DPP10: variants seen among roughly 807,000 people sequenced by gnomAD.
The protein encoded by DPP10 is dipeptidyl peptidase like 10, also known as inactive dipeptidyl peptidase 10.
In DPP10, 33 loss-of-function variants were observed where a neutral mutation model predicts 120.9. The observed-to-expected ratio is 0.27, with a 90% CI of 0.21 to 0.37. The LOEUF is 0.37. Ranked by LOEUF, DPP10 falls within the 10% of genes least tolerant of loss-of-function variation. The probability of loss-of-function intolerance (pLI) is 1.00; values close to 1 mark genes in which losing one functional copy is unlikely to be tolerated. For missense variants in DPP10, 816 were observed against 942.8 expected, an observed-to-expected ratio of 0.87 and a Z score of 1.76; for synonymous variants, 337 against 326.1, an observed-to-expected ratio of 1.03 and a Z score of -0.36.
intron 1 of DPP10, among the ~76,000 whole-genome samples, chr2:114,821,417 G>GATT (rs553829688): frequency 6.6e-6 from 1 of 151,976 alleles, no homozygotes; most frequent in Non-Finnish European, 1.5e-5. Context: ...TAAAAGTGGG[G>GATT]GTTTTCCTTC....
chr2:114,588,096 A>G (rs776049993), intron 1 of DPP10, among the ~76,000 whole-genome samples: 2 of 152,208 alleles, frequency 1.3e-5, no homozygotes, highest in African/African-American at 2.4e-5. Context: ...TTTTGAAACA[A>G]TATGGATCTA....
intron 5 of DPP10, among the ~76,000 whole-genome samples, chr2:115,685,579 T>C (rs1026779594): frequency 6.6e-6 from 1 of 152,002 alleles, no homozygotes; most frequent in Non-Finnish European, 1.5e-5. Context: ...AGTTACATAA[T>C]TAGTATTCAA....
intron 1 of DPP10, among the ~76,000 whole-genome samples, chr2:114,998,701 T>G (rs1701250667): frequency 6.6e-6 from 1 of 152,170 alleles, no homozygotes. Flanking sequence ...CACAGCTCCC[T>G]GGCATAAGGA....
At chr2:115,515,331 A>T (rs2077446185) in intron 4 of DPP10, among the ~76,000 whole-genome samples, 1 of 151,930 alleles carries the variant, frequency 6.6e-6, no homozygotes, top group Non-Finnish European at 1.5e-5. Flanking sequence ...AGTGTATGAT[A>T]CTCTCTGTTA....
intron 1 of DPP10, among the ~76,000 whole-genome samples, chr2:114,624,289 C>G (rs1355731358): frequency 6.6e-6 from 1 of 151,884 alleles, no homozygotes. Flanking sequence ...CACAGTAGAA[C>G]TTGATATGTT....
intron 2 of DPP10, among the ~76,000 whole-genome samples, chr2:115,337,191 C>G (rs2063192830): frequency 1.3e-5 from 2 of 151,380 alleles, no homozygotes; most frequent in Admixed American, 1.3e-4. Flanking sequence ...TGTGACATTT[C>G]TCTCTTTGAG....
At chr2:115,091,088 T>C (rs1390524908) in intron 1 of DPP10, among the ~76,000 whole-genome samples, 1 of 152,200 alleles carries the variant, frequency 6.6e-6, no homozygotes, top group African/African-American at 2.4e-5. Context: ...TTCTGTGATA[T>C]AAAGAGATGG....
At chr2:114,609,777 C>G (rs1469120215) in intron 1 of DPP10, among the ~76,000 whole-genome samples, 4 of 152,102 alleles carry the variant, frequency 2.6e-5, no homozygotes, top group African/African-American at 9.7e-5. Flanking sequence ...GTGACATAGA[C>G]TAAACCTTCA....
intron 11 of DPP10, among the ~76,000 whole-genome samples, chr2:115,759,287 G>T (rs1473761287): frequency 6.6e-6 from 1 of 151,910 alleles, no homozygotes; most frequent in Non-Finnish European, 1.5e-5. Flanking sequence ...GGTCAGGTAT[G>T]GTGGCTCATC....
At chr2:115,838,812 GCA>G (rs964844008) in intron 24 of DPP10, among the ~76,000 whole-genome samples, 13 of 151,932 alleles carry the variant, frequency 8.6e-5, no homozygotes, top group African/African-American at 3.1e-4. Context: ...ACACACACAG[GCA>G]CACACATACA....
In DPP10 at chr2:114,723,954, G is replaced by C. The variant is rs148097882; in HGVS notation, c.60+281116G>C. Reference sequence around the variant, plus strand: ...TCCCCTCTGCACACCCATATAAAAGGATAGGCCCAACAAAAGTAATGAAAC... The same window carrying C: ...TCCCCTCTGCACACCCATATAAAAGCATAGGCCCAACAAAAGTAATGAAAC... On this transcript the variant is annotated intron_variant, in intron 1 of 25. Transcript: ENST00000410059. Among the ~76,000 whole-genome samples the C allele has an allele frequency of 1.6e-4, 25 of 152,200 alleles. 1 individual carries two copies. Among genetic ancestry groups the C allele is most frequent in the African/African-American group, 6.0e-4 (25 of 41,518 alleles).
intron 5 of DPP10, among the ~76,000 whole-genome samples, chr2:115,644,601 T>C (rs1472993311): frequency 4.0e-5 from 6 of 149,266 alleles, no homozygotes; most frequent in Non-Finnish European, 5.9e-5. Context: ...AGACACTCCG[T>C]CTCTATAAGG....
intron 1 of DPP10, among the ~76,000 whole-genome samples, chr2:114,814,172 A>G (rs768505647): frequency 2.0e-5 from 3 of 152,228 alleles, no homozygotes; most frequent in Non-Finnish European, 4.4e-5. Context: ...ACAAAGCAAT[A>G]CAACCATTTG....
chr2:114,775,466 A>G (rs1681643711), intron 1 of DPP10, among the ~76,000 whole-genome samples: 1 of 152,172 alleles, frequency 6.6e-6, no homozygotes, highest in South Asian at 2.1e-4. Context: ...AGCCATGCAC[A>G]GCAACTCAAG....
intron 1 of DPP10, among the ~76,000 whole-genome samples, chr2:115,206,658 G>A (rs938411843): frequency 6.6e-6 from 1 of 152,144 alleles, no homozygotes; most frequent in Non-Finnish European, 1.5e-5. Flanking sequence ...AGTGGGATTA[G>A]AGAAACATTT....
intron 1 of DPP10, among the ~76,000 whole-genome samples, chr2:115,302,631 TAAATA>T (rs1293247746): frequency 6.6e-6 from 1 of 151,576 alleles, no homozygotes; most frequent in Non-Finnish European, 1.5e-5. Flanking sequence ...CGGAACAAAA[TAAATA>T]AAACAAACAA....
intron 5 of DPP10, among the ~76,000 whole-genome samples, chr2:115,650,100 G>T (rs1194645663): frequency 6.6e-6 from 1 of 152,070 alleles, no homozygotes; most frequent in African/African-American, 2.4e-5. Context: ...AGGAATTTCT[G>T]TATTATAAAT....
chr2:115,032,828 T>A (rs938441670), intron 1 of DPP10, among the ~76,000 whole-genome samples: 2 of 147,034 alleles, frequency 1.4e-5, no homozygotes, highest in African/African-American at 5.1e-5. Context: ...GAGGTTGCAA[T>A]GAGCTGAGAT....
chr2:114,967,036 C>T (rs1014523067), intron 1 of DPP10, among the ~76,000 whole-genome samples: 1 of 151,820 alleles, frequency 6.6e-6, no homozygotes, highest in African/African-American at 2.4e-5. Context: ...CAGCAAAACT[C>T]GGTCCCAAAA....
Sources: gnomAD v4.1 joint callset for allele counts (sites outside exome capture counted in the v4.1 genomes callset) on GRCh38, gnomAD v4.1.1 for gene constraint, MANE v1.5 for transcripts, NCBI Gene and HGNC (gene_info 2026-07-23, HGNC 2026-07-21) for gene names.